Variants in RBFOX1 observed in about 807,000 individuals in gnomAD.
RBFOX1 encodes RNA binding fox-1 homolog 1, also known as RNA binding protein fox-1 homolog 1.
RBFOX1 carries 8 observed loss-of-function variants against 57.7 expected under a neutral mutation model. The observed-to-expected ratio is 0.14, with a 90% CI of 0.08 to 0.25. The LOEUF (loss-of-function observed/expected upper bound fraction) is 0.25. RBFOX1 is among the 10% of genes least tolerant of loss of function. The pLI is 1.00. For missense variants in RBFOX1, 611 were observed against 548.5 expected (o/e 1.11, Z -1.14); for synonymous variants, 326 against 222.4 (o/e 1.47, Z -4.15).
At chr16:5,794,890 C>G (rs1278870944) in intron 3 of RBFOX1, among the ~76,000 whole-genome samples, 1 of 152,136 alleles carries the variant, frequency 6.6e-6, no homozygotes, top group Non-Finnish European at 1.5e-5. Context: ...AAGATGGAAG[C>G]TACCCCATCA....
At chr16:7,215,494 G>A (rs117660273) in intron 4 of RBFOX1, among the ~76,000 whole-genome samples, 3 of 152,092 alleles carry the variant, frequency 2.0e-5, no homozygotes, top group East Asian at 1.9e-4. Flanking sequence ...ATTCTTTAAA[G>A]AGCTTTATGA....
intron 2 of RBFOX1, among the ~76,000 whole-genome samples, chr16:6,546,516 G>A (rs1409937101): frequency 6.6e-6 from 1 of 152,132 alleles, no homozygotes; most frequent in Non-Finnish European, 1.5e-5. Flanking sequence ...ATTGTGATTG[G>A]CAGCTCCATA....
At chr16:6,498,368 G>A (rs907731974) in intron 2 of RBFOX1, among the ~76,000 whole-genome samples, 2 of 152,018 alleles carry the variant, frequency 1.3e-5, no homozygotes, top group African/African-American at 4.8e-5. Flanking sequence ...TGACAGAAGA[G>A]CAAAATATCA....
intron 1 of RBFOX1, among the ~76,000 whole-genome samples, chr16:5,257,141 T>TA (rs1309828547): frequency 1.4e-5 from 2 of 139,634 alleles, no homozygotes; most frequent in South Asian, 2.3e-4. Context: ...GATTGCTTTG[T>TA]AAAAAAACCA....
intron 3 of RBFOX1, among the ~76,000 whole-genome samples, chr16:5,709,591 C>T (rs920262953): frequency 2.0e-5 from 3 of 151,310 alleles, no homozygotes; most frequent in African/African-American, 7.3e-5. Context: ...CCTGACACTT[C>T]CTGTTTAACA....
rs149683344 is a variant in RBFOX1, at chr16:7,550,050, C to T, written c.271-29727C>T. Among the ~76,000 whole-genome samples, 597 of 152,286 alleles carry T rather than the reference C, an allele frequency of 3.9e-3. 9 individuals are homozygous for T. Among genetic ancestry groups the T allele is most frequent in the Middle Eastern group, 0.014 (4 of 294 alleles). On this transcript the variant is annotated intron_variant, in intron 5 of 15. Coordinates refer to ENST00000550418, the MANE Select transcript of RBFOX1 (RefSeq NM_018723.4). ...GCTCAAGCGATTGTCCCACCTCAGC[C>T]TCCCTAGTAGCTGGGAACACAGGCA...
chr16:7,146,436 A>C (rs1412860629), intron 4 of RBFOX1, among the ~76,000 whole-genome samples: 1 of 151,998 alleles, frequency 6.6e-6, no homozygotes, highest in Non-Finnish European at 1.5e-5. Flanking sequence ...CAGCTCTGTC[A>C]CCCCCACTGA....
At chr16:6,735,923 A>AT (rs138048642) in intron 3 of RBFOX1, among the ~76,000 whole-genome samples, 55,850 of 149,826 alleles carry the variant, frequency 0.37, 10,414 homozygotes, top group Non-Finnish European at 0.4. Flanking sequence ...TTTTGTCGCC[A>AT]TTTTTTTTTT....
At chr16:6,771,166 G>A (rs9929379) in intron 3 of RBFOX1, among the ~76,000 whole-genome samples, 19,294 of 152,096 alleles carry the variant, frequency 0.13, 2,680 homozygotes, top group African/African-American at 0.34. Flanking sequence ...GAAGATGGTC[G>A]TCTGCAAGCC....
chr16:5,409,257 G>A lies in RBFOX1; in HGVS notation c.220-57959G>A, dbSNP rs148291240. Among the ~76,000 whole-genome samples the A allele has an allele frequency of 2.9e-3, 435 of 152,320 alleles. 3 individuals are homozygous for A. Among genetic ancestry groups the A allele is most frequent in the African/African-American group, 0.01 (419 of 41,568 alleles). ...TGGCCTTCCTGTGTGTGGCTGCGAT[G>A]GACAGTGTTCACTGTTCTGCATACA... On this transcript the variant is annotated intron_variant, in intron 1 of 2. Coordinates refer to the RBFOX1 transcript ENST00000585867.
At chr16:6,843,163 C>G (rs1329443191) in intron 3 of RBFOX1, among the ~76,000 whole-genome samples, 9 of 152,030 alleles carry the variant, frequency 5.9e-5, no homozygotes, top group Non-Finnish European at 1.3e-4. Context: ...ATATGATTCT[C>G]TGAGCAAAGT....
intron 1 of RBFOX1, among the ~76,000 whole-genome samples, chr16:6,163,386 A>C (rs1264807622): frequency 6.6e-6 from 1 of 152,232 alleles, no homozygotes; most frequent in East Asian, 1.9e-4. Flanking sequence ...TTCATTTTGC[A>C]CAAAGGAATC....
At chr16:6,029,772 C>CA (rs57851398) in intron 1 of RBFOX1, among the ~76,000 whole-genome samples, 24,806 of 102,262 alleles carry the variant, frequency 0.24, 4,011 homozygotes, top group African/African-American at 0.44. Flanking sequence ...GACTCCGTCT[C>CA]AAAAAAAAAA....
Position 5,544,951 on chromosome 16 carries a change from C to CTTTTTTTT in RBFOX1, c.259-53915_259-53908dup, listed in dbSNP as rs59873374. The stretch of plus-strand genomic sequence containing the variant: ...GTATAGATGGCCTTACTATTACATT[C>CTTTTTTTT]TTTTTTTTTTTTTTTTTTTTTTTTT... On this transcript the variant is annotated intron_variant, in intron 2 of 2. Coordinates refer to the RBFOX1 transcript ENST00000585867. Among the ~76,000 whole-genome samples the CTTTTTTTT allele has an allele frequency of 2.0e-3, 249 of 124,336 alleles. 18 individuals carry two copies. Among genetic ancestry groups the CTTTTTTTT allele is most frequent in the African/African-American group, 2.5e-3 (73 of 28,990 alleles). 81.6% of individuals were successfully genotyped at this position (124,336 alleles called of 152,430 possible).
chr16:6,533,433 G>T (rs952371366), intron 2 of RBFOX1, among the ~76,000 whole-genome samples: 1 of 152,144 alleles, frequency 6.6e-6, no homozygotes, highest in African/African-American at 2.4e-5. Flanking sequence ...TCACTGCCAC[G>T]TGGCACCACC....
chr16:7,700,848 T>C (rs1017689131), intron 14 of RBFOX1, among the ~76,000 whole-genome samples: 4 of 152,156 alleles, frequency 2.6e-5, no homozygotes, highest in African/African-American at 9.6e-5. Context: ...GAAGAGGTTT[T>C]GAATGGCATT....
At chr16:7,040,206 A>G (rs1294462321) in intron 3 of RBFOX1, among the ~76,000 whole-genome samples, 1 of 151,610 alleles carries the variant, frequency 6.6e-6, no homozygotes, top group African/African-American at 2.4e-5. Flanking sequence ...TTTTTAGTAG[A>G]GACGGGGTTT....
chr16:5,635,259 G>C (rs2048646131), intron 3 of RBFOX1, among the ~76,000 whole-genome samples: 1 of 152,132 alleles, frequency 6.6e-6, no homozygotes, highest in African/African-American at 2.4e-5. Context: ...TGACCTCACT[G>C]AATAAATTGA....
intron 4 of RBFOX1, among the ~76,000 whole-genome samples, chr16:7,486,656 G>A (rs372879052): frequency 6.6e-6 from 1 of 152,136 alleles, no homozygotes; most frequent in East Asian, 1.9e-4. Flanking sequence ...ACCCAGGCTT[G>A]ATAGAAGGTA....
Sources: gnomAD v4.1 joint callset for allele counts (sites outside exome capture counted in the v4.1 genomes callset) on GRCh38, gnomAD v4.1.1 for gene constraint, MANE v1.5 for transcripts, NCBI Gene and HGNC (gene_info 2026-07-23, HGNC 2026-07-21) for gene names.